The following TBC1D13 variants were observed in gnomAD, a reference collection of about 807,000 sequenced individuals.
TBC1D13 encodes the protein TBC1 domain family member 13.
A neutral mutation model predicts 53.6 loss-of-function variants in TBC1D13; 40 were observed. The ratio of observed to expected loss-of-function variants is 0.75; its 90% CI spans 0.58 to 0.97. The LOEUF (loss-of-function observed/expected upper bound fraction) is 0.97. Ranked by LOEUF, TBC1D13 falls within the 50% of genes least tolerant of loss-of-function variation. TBC1D13 has a pLI of 0.00. For synonymous variants in TBC1D13, 182 were observed against 197.7 expected, an observed-to-expected ratio of 0.92 and a Z score of 0.67; for missense variants, 377 against 499.4, an observed-to-expected ratio of 0.75 and a Z score of 2.34.
intron 9 of TBC1D13, 23 bp from the exon 10 acceptor site, chr9:128,805,836 C>A (rs771040680): frequency 1.2e-6 from 2 of 1,608,832 alleles, no homozygotes; most frequent in South Asian, 1.1e-5. Context: ...TCATGCCCCC[C>A]ACCCCCCACG....
rs375844855 is a variant in TBC1D13, at chr9:128,791,342, G to A, written c.139-38G>A. ...CGCCTAAAGACTGACGTTGGTGCAG[G>A]AGGGTCACCAGAGCTTTGCCCTTCT... On this transcript the variant is annotated intron_variant, in intron 3 of 11. Transcript: ENST00000372648. 212 of 1,600,374 alleles carry A rather than the reference G, an allele frequency of 1.3e-4. 3 individuals carry two copies. The South Asian group carries it at 2.0e-3, about 15-fold the overall frequency.
At chr9:128,787,553 G>GAA (rs1360655904) in intron 1 of TBC1D13, among the ~76,000 whole-genome samples, 177 bp downstream of exon 1, 5 of 152,046 alleles carry the variant, frequency 3.3e-5, no homozygotes, top group Non-Finnish European at 7.4e-5. Flanking sequence ...ACGGAGGGGC[G>GAA]GCCCTTCTCC....
intron 6 of TBC1D13, among the ~76,000 whole-genome samples, chr9:128,795,059 T>TC (rs1829603139): frequency 6.6e-6 from 1 of 151,192 alleles, no homozygotes; most frequent in Non-Finnish European, 1.5e-5. Flanking sequence ...TAGATAATTT[T>TC]TTTTTTTTTG....
At chr9:128,792,666 GGTGA>G (rs1334029034) in intron 6 of TBC1D13, 92 bp downstream of exon 6, 11 of 1,204,830 alleles carry the variant, frequency 9.1e-6, no homozygotes, top group Admixed American at 2.0e-5. Flanking sequence ...CGGGCCTATG[GGTGA>G]GTGTTTGCGG....
At chr9:128,806,712 G>A (rs4837315) in intron 11 of TBC1D13, among the ~76,000 whole-genome samples, 19,048 of 152,160 alleles carry the variant, frequency 0.13, 1,737 homozygotes, top group East Asian at 0.36. Flanking sequence ...GGAGGCTGGG[G>A]TGGGTGGACC....
intron 6 of TBC1D13, among the ~76,000 whole-genome samples, chr9:128,793,374 C>G (rs758076365): frequency 1.9e-4 from 29 of 152,322 alleles, no homozygotes; most frequent in African/African-American, 5.5e-4. Flanking sequence ...GCGGCCCTGT[C>G]GGGCTGGGGA....
chr9:128,788,692 A>G (rs1352421372), intron 2 of TBC1D13, among the ~76,000 whole-genome samples: 3 of 144,646 alleles, frequency 2.1e-5, no homozygotes, highest in Non-Finnish European at 4.5e-5. Context: ...TGAGAGTAAC[A>G]GGACAGGACT....
intron 7 of TBC1D13, among the ~76,000 whole-genome samples, chr9:128,800,797 T>A (rs1190939075): frequency 6.6e-6 from 1 of 152,218 alleles, no homozygotes; most frequent in Non-Finnish European, 1.5e-5. Context: ...GTGTGTATTA[T>A]ATATAGAGAG....
intron 7 of TBC1D13, among the ~76,000 whole-genome samples, chr9:128,797,834 A>G (rs975968038): frequency 6.6e-6 from 1 of 152,202 alleles, no homozygotes; most frequent in African/African-American, 2.4e-5. Flanking sequence ...ACGGCCAGGC[A>G]CAATGGCCCA....
intron 5 of TBC1D13, 39 bp downstream of exon 5, chr9:128,791,732 T>C: frequency 6.3e-7 from 1 of 1,588,342 alleles, no homozygotes; most frequent in Non-Finnish European, 8.6e-7. Context: ...GGATACAGAA[T>C]GTGGAGGGGT....
Position 128,803,232 on chromosome 9 carries a change from C to T in TBC1D13, c.544-18C>T, listed in dbSNP as rs186044970. 117 of 1,610,308 alleles carry T rather than the reference C, an allele frequency of 7.3e-5. No individual in the cohort carries two copies. In the African/African-American group the frequency reaches 1.5e-3, roughly 20 times the overall value. On this transcript the variant is annotated intron_variant, in intron 7 of 11. Transcript: ENST00000372648. ...CCAGCATTGTCTTTCTTGATGGGCT[C>T]CTCCTCTTCTCCTCCAGATGAGCTC...
intron 7 of TBC1D13, among the ~76,000 whole-genome samples, chr9:128,802,881 C>T (rs564741059): frequency 4.6e-5 from 7 of 151,762 alleles, no homozygotes; most frequent in Admixed American, 1.3e-4. Flanking sequence ...ACCACAGGTG[C>T]GTGCCTTCAC....
rs926693424 is a variant in TBC1D13, at chr9:128,804,730, T to TG, written c.918+611_918+612insG. Among the ~76,000 whole-genome samples the TG allele has an allele frequency of 1.4e-3, 139 of 101,190 alleles. 1 individual carries two copies. Among genetic ancestry groups the TG allele is most frequent in the African/African-American group, 2.6e-3 (50 of 19,278 alleles). The allele number at this position is 101,190 out of a possible 152,430, so 66.4% of individuals were successfully genotyped here. ...AGCCCTTTTTTTTCTGTTTTTTTTT[T>TG]TTTTTTTTTTTTTTTGAGAAGGACT... is the stretch of plus-strand genomic sequence containing the variant. On this transcript the variant is annotated intron_variant, in intron 9 of 11. Coordinates refer to ENST00000372648, the MANE Select transcript of TBC1D13 (RefSeq NM_018201.5).
In TBC1D13 at chr9:128,805,895, C is replaced by T. The variant is rs758382085; in HGVS notation, c.955C>T (p.Arg319Cys). 6.2e-6 allele frequency: 10 copies of T among 1,613,998 alleles called. No homozygotes were observed. Among genetic ancestry groups the T allele is most frequent in the African/African-American group, 2.7e-5 (2 of 74,936 alleles). The part of the protein sequence containing the change: ...QNIKPQFFAF[R>C]WLTLLLSQEF... ...CATCAAGCCTCAGTTCTTTGCCTTC[C>T]GCTGGCTGACACTGCTGCTGTCCCA... Residue 319 changes from arginine to cysteine, a missense_variant, in exon 10 of 12, where the codon CGC becomes TGC. Coordinates refer to ENST00000372648, the MANE Select transcript of TBC1D13 (RefSeq NM_018201.5).
chr9:128,804,432 A>G (rs780659087), intron 9 of TBC1D13, among the ~76,000 whole-genome samples: 39 of 144,186 alleles, frequency 2.7e-4, no homozygotes, highest in Admixed American at 1.1e-3. Context: ...TTTGAGATGG[A>G]GTCTCGCTCT....
chr9:128,807,906 G>C lies in TBC1D13; in HGVS notation c.*27G>C. Reference sequence around the variant, plus strand: ...CCGGCGGCAAGAGGCCCATGTTCCGGAGAGAAGCCTCCCGACCCTGTGCCC... The same window carrying C: ...CCGGCGGCAAGAGGCCCATGTTCCGCAGAGAAGCCTCCCGACCCTGTGCCC... On this transcript the variant is annotated 3_prime_UTR_variant, in exon 12 of 12. Transcript: ENST00000372648. 6.2e-7 allele frequency: 1 copy of C among 1,610,480 alleles called. No individual in the cohort carries two copies. The highest frequency in any genetic ancestry group is 1.7e-5 in the Admixed American group (1 of 60,010).
intron 5 of TBC1D13, 36 bp from the exon 6 acceptor site, chr9:128,792,456 G>C (rs1404921103): frequency 1.9e-6 from 3 of 1,604,598 alleles, no homozygotes; most frequent in Non-Finnish European, 2.6e-6. Flanking sequence ...GGGCCTAGCT[G>C]GGCCTTGGAC....
rs906732010 is a variant in TBC1D13, at chr9:128,788,253, C to T, written c.24-81C>T. 29 of 1,239,562 alleles carry T rather than the reference C, an allele frequency of 2.3e-5. No individual in the cohort carries two copies. In the African/African-American group the frequency reaches 3.9e-4, roughly 17 times the overall value. 76.8% of individuals were successfully genotyped at this position (1,239,562 alleles called of 1,614,324 possible). ...GAGAGAGGCACAGGTTGGAAACTGG[C>T]AGTGTGAGGGAGCTGAGGGCTGTGG... On this transcript the variant is annotated intron_variant, in intron 1 of 11. Transcript: ENST00000372648.
rs759714396 is a variant in TBC1D13 at position 128,804,093 on chromosome 9, A to G, written c.892A>G (p.Lys298Glu). The change falls in exon 9 of 12, where the codon AAG becomes GAG. Residue 298 changes from lysine (K) to glutamate (E), a missense_variant. Lys to Glu is a moderately conservative substitution (Grantham distance 56, BLOSUM62 1). Coordinates refer to ENST00000372648, the MANE Select transcript of TBC1D13 (RefSeq NM_018201.5). Reference protein sequence around the residue: ...MEKVYSTLKDKDVELYLKLQE... With the variant: ...MEKVYSTLKDEDVELYLKLQE... ...GAAGGTTTACTCCACCTTGAAAGAT[A>G]AGGATGTGGAGCTCTACCTGAAACT... The G allele has an allele frequency of 1.2e-6, 2 of 1,613,884 alleles. No homozygotes were observed. Among genetic ancestry groups the G allele is most frequent in the Non-Finnish European group, 1.7e-6 (2 of 1,180,006 alleles).
Sources: gnomAD v4.1 joint callset for allele counts (sites outside exome capture counted in the v4.1 genomes callset) on GRCh38, gnomAD v4.1.1 for gene constraint, MANE v1.5 for transcripts, NCBI Gene and HGNC (gene_info 2026-07-23, HGNC 2026-07-21) for gene names.